The following CATSPERE variants were observed in gnomAD, a reference collection of about 807,000 sequenced individuals.
The protein encoded by CATSPERE is cation channel sperm-associated auxiliary subunit epsilon.
CATSPERE carries 93 observed loss-of-function variants against 114.1 expected under a neutral mutation model. The observed-to-expected ratio is 0.81, with a 90% CI of 0.69 to 0.97. CATSPERE has a LOEUF of 0.97. Ranked by LOEUF, CATSPERE falls within the 50% of genes least tolerant of loss-of-function variation. CATSPERE has a pLI of 0.00. For synonymous variants in CATSPERE, 341 were observed against 384.1 expected, an observed-to-expected ratio of 0.89 and a Z score of 1.31; for missense variants, 1,058 against 1,131.6, an observed-to-expected ratio of 0.93 and a Z score of 0.93.
intron 10 of CATSPERE, among the ~76,000 whole-genome samples, chr1:244,570,786 G>A (rs1337078648): frequency 6.6e-6 from 1 of 152,190 alleles, no homozygotes; most frequent in African/African-American, 2.4e-5. Flanking sequence ...CTGAAAACTA[G>A]GGAGAGAGTA....
At chr1:244,603,456 C>T (rs150105631) in intron 17 of CATSPERE, among the ~76,000 whole-genome samples, 1,553 of 152,156 alleles carry the variant, frequency 0.01, 99 homozygotes, top group Admixed American at 0.09. Context: ...TAGTATTATA[C>T]CCTACATTAA....
Position 244,461,504 on chromosome 1 carries a change from C to A in CATSPERE, c.65+10C>A. The A allele has an allele frequency of 1.5e-6, 2 of 1,307,040 alleles. No individual in the cohort carries two copies. Among genetic ancestry groups the A allele is most frequent in the South Asian group, 2.6e-5 (1 of 38,736 alleles). The allele number at this position is 1,307,040 out of a possible 1,614,324, so 81.0% of individuals were successfully genotyped here. On this transcript the variant is annotated intron_variant, in intron 1 of 21. Coordinates refer to ENST00000366534, the MANE Select transcript of CATSPERE (RefSeq NM_001130957.2). ...GCTCCGCCCTTTGGAGGTAGAGAGA[C>A]GCCAGTCGCAGGCGAGCGACTAGGC...
At chr1:244,523,926 A>G (rs1678057528) in intron 8 of CATSPERE, among the ~76,000 whole-genome samples, 1 of 146,836 alleles carries the variant, frequency 6.8e-6, no homozygotes, top group East Asian at 1.9e-4. Flanking sequence ...GGTAATTTAC[A>G]GATTCAATGC....
chr1:244,531,512 GT>G (rs201444197), intron 8 of CATSPERE, among the ~76,000 whole-genome samples: 64 of 147,010 alleles, frequency 4.4e-4, no homozygotes, highest in African/African-American at 1.7e-3. Context: ...TCTATACCCA[GT>G]TTTTAAAATT....
chr1:244,571,150 T>A (rs1664395360), intron 10 of CATSPERE, among the ~76,000 whole-genome samples: 1 of 152,262 alleles, frequency 6.6e-6, no homozygotes, highest in African/African-American at 2.4e-5. Flanking sequence ...TGTCATCCAT[T>A]CACATTTCTC....
chr1:244,530,648 A>G (rs888170923), intron 8 of CATSPERE, among the ~76,000 whole-genome samples: 3 of 152,334 alleles, frequency 2.0e-5, no homozygotes, highest in Non-Finnish European at 2.9e-5. Flanking sequence ...CTTCCAATCC[A>G]TGAACATGGA....
rs559966409 is a variant in CATSPERE, at chr1:244,592,858, T to C, written c.2190-537T>C. 4.6e-5 allele frequency among the ~76,000 whole-genome samples: 7 copies of C among 152,284 alleles called. No individual in the cohort carries two copies. The East Asian group carries it at 1.3e-3, about 29-fold the overall frequency. On this transcript the variant is annotated intron_variant, in intron 15 of 21. Coordinates refer to ENST00000366534, the MANE Select transcript of CATSPERE (RefSeq NM_001130957.2). ...AACGTGGTAACATACATGGAACATA[T>C]GGCTGGAAACAGTGATTCAAGTGTG...
Position 244,461,299 on chromosome 1 carries a change from C to T in CATSPERE, c.-131C>T, listed in dbSNP as rs2148058032. 1.4e-6 allele frequency: 1 copy of T among 740,376 alleles called. No homozygotes were observed. The highest frequency in any genetic ancestry group is 3.4e-5 in the East Asian group (1 of 29,450). The allele number at this position is 740,376 out of a possible 1,614,324, so 45.9% of individuals were successfully genotyped here. A position where few individuals can be genotyped will look rare whatever the true frequency, so the allele number is the denominator to read the frequency against. ...CACTTCTCCCTCGCTGGTCTTCAGG[C>T]CCGGCCCGCCCTGTCCAGAGGCGCC... On this transcript the variant is annotated 5_prime_UTR_variant, in exon 1 of 22. Coordinates refer to ENST00000366534, the MANE Select transcript of CATSPERE (RefSeq NM_001130957.2).
At chr1:244,479,099 T>A (rs2148157013) in intron 4 of CATSPERE, among the ~76,000 whole-genome samples, 1 of 152,046 alleles carries the variant, frequency 6.6e-6, no homozygotes, top group South Asian at 2.1e-4. Flanking sequence ...GTTTTTTGTT[T>A]TTTTTCCCCT....
intron 2 of CATSPERE, among the ~76,000 whole-genome samples, chr1:244,473,031 A>G (rs1188792536): frequency 6.6e-6 from 1 of 152,244 alleles, no homozygotes; most frequent in African/African-American, 2.4e-5. Flanking sequence ...CTAGTGAAAG[A>G]TATCCCAGTT....
At chr1:244,623,115 C>T (rs966867100) in intron 20 of CATSPERE, among the ~76,000 whole-genome samples, 21 of 146,750 alleles carry the variant, frequency 1.4e-4, no homozygotes, top group Admixed American at 9.5e-4. Flanking sequence ...CTCTGTTGCC[C>T]GGACTGAAGT....
At chr1:244,548,325 A>C (rs1234611401) in intron 8 of CATSPERE, among the ~76,000 whole-genome samples, 3 of 152,190 alleles carry the variant, frequency 2.0e-5, no homozygotes, top group Non-Finnish European at 4.4e-5. Context: ...ACTTCCACTG[A>C]CCAAGGCTGA....
intron 7 of CATSPERE, among the ~76,000 whole-genome samples, chr1:244,509,100 T>G (rs1426474101): frequency 2.6e-5 from 4 of 152,060 alleles, no homozygotes; most frequent in Middle Eastern, 3.2e-3. Flanking sequence ...TCCAATATTA[T>G]GTTGAATAGG....
intron 8 of CATSPERE, among the ~76,000 whole-genome samples, chr1:244,534,460 T>G (rs1680072183): frequency 6.6e-6 from 1 of 151,944 alleles, no homozygotes; most frequent in African/African-American, 2.4e-5. Context: ...TTTCTATTCT[T>G]TTTTCTATTG....
At chr1:244,634,094 G>T (rs980512624) in intron 20 of CATSPERE, among the ~76,000 whole-genome samples, 1 of 152,040 alleles carries the variant, frequency 6.6e-6, no homozygotes, top group African/African-American at 2.4e-5. Context: ...CAACTCCTGA[G>T]CTCAGGCAAT....
chr1:244,569,797 T>C (rs1477890109), intron 10 of CATSPERE, among the ~76,000 whole-genome samples: 2 of 152,326 alleles, frequency 1.3e-5, no homozygotes, highest in South Asian at 2.1e-4. Context: ...ACTTGTATTA[T>C]GTATTCATTC....
At chr1:244,522,818 G>A (rs1328515451) in intron 8 of CATSPERE, among the ~76,000 whole-genome samples, 1 of 152,058 alleles carries the variant, frequency 6.6e-6, no homozygotes, top group African/African-American at 2.4e-5. Context: ...ACCAATAACA[G>A]GAGCTGAAAT....
chr1:244,494,633 A>T (rs1341336522), intron 6 of CATSPERE, among the ~76,000 whole-genome samples: 1 of 152,058 alleles, frequency 6.6e-6, no homozygotes, highest in Non-Finnish European at 1.5e-5. Flanking sequence ...GGGTCCTAAG[A>T]TCAAAAAGTT....
chr1:244,537,281 A>G (rs918387824), intron 8 of CATSPERE, among the ~76,000 whole-genome samples: 7 of 152,156 alleles, frequency 4.6e-5, no homozygotes, highest in African/African-American at 1.7e-4. Flanking sequence ...TGCATCTACT[A>G]TATGATTTTT....
Sources: gnomAD v4.1 joint callset for allele counts (sites outside exome capture counted in the v4.1 genomes callset) on GRCh38, gnomAD v4.1.1 for gene constraint, MANE v1.5 for transcripts, NCBI Gene and HGNC (gene_info 2026-07-23, HGNC 2026-07-21) for gene names.